CCSER2: variants seen among roughly 807,000 people sequenced by gnomAD.
CCSER2 encodes the protein serine-rich coiled-coil domain-containing protein 2.
CCSER2 carries 46 observed loss-of-function variants against 92.3 expected under a neutral mutation model. The observed-to-expected ratio is 0.50, with a 90% CI of 0.39 to 0.64. CCSER2 has a LOEUF of 0.64. Among genes scored for constraint, CCSER2 ranks in the 30% least tolerant of loss-of-function variants. The pLI, the probability that CCSER2 is intolerant of heterozygous loss-of-function variation, is 0.00. For synonymous variants in CCSER2, 433 were observed against 431.4 expected (o/e 1.00, Z -0.04); for missense variants, 1,244 against 1,238.9 (o/e 1.00, Z -0.06).
chr10:84,471,201 G>T (rs569411166), intron 8 of CCSER2, among the ~76,000 whole-genome samples: 3 of 152,012 alleles, frequency 2.0e-5, no homozygotes, highest in Non-Finnish European at 4.4e-5. Flanking sequence ...ACTGGGGTCA[G>T]CTCACGGAGA....
chr10:84,450,433 A>G (rs750918125), intron 6 of CCSER2, among the ~76,000 whole-genome samples: 24 of 152,220 alleles, frequency 1.6e-4, no homozygotes, highest in Non-Finnish European at 3.2e-4. Context: ...GTGCATACAC[A>G]TGTAAATGCA....
chr10:84,412,373 CTCT>C (rs1048757105), intron 3 of CCSER2, among the ~76,000 whole-genome samples: 3 of 151,634 alleles, frequency 2.0e-5, no homozygotes, highest in Admixed American at 6.6e-5. Flanking sequence ...CTGCTACCAG[CTCT>C]TCTTTGTGTA....
intron 7 of CCSER2, among the ~76,000 whole-genome samples, chr10:84,465,577 C>T (rs1274513268): frequency 2.0e-5 from 3 of 151,898 alleles, no homozygotes; most frequent in East Asian, 1.9e-4. Flanking sequence ...CCACCCACCT[C>T]GGCCTCCCAA....
chr10:84,405,640 G>A (rs975073320), intron 3 of CCSER2, among the ~76,000 whole-genome samples: 3 of 152,174 alleles, frequency 2.0e-5, no homozygotes, highest in Non-Finnish European at 2.9e-5. Flanking sequence ...ATAAAAAAAT[G>A]TATAAGAGAC....
At chr10:84,474,487 C>A (rs1267636701) in intron 8 of CCSER2, among the ~76,000 whole-genome samples, 1 of 151,836 alleles carries the variant, frequency 6.6e-6, no homozygotes, top group Non-Finnish European at 1.5e-5. Flanking sequence ...ATGGTGAAAC[C>A]CTGTCTCTAC....
intron 9 of CCSER2, among the ~76,000 whole-genome samples, chr10:84,483,953 T>TTATATATATATATATATA (rs57427963): frequency 2.1e-4 from 10 of 48,036 alleles, no homozygotes; most frequent in South Asian, 8.3e-4. Flanking sequence ...CCCGGCTAAT[T>TTATATATATATATATATA]TATATATATA....
chr10:84,469,203 A>T (rs939665382), intron 7 of CCSER2, among the ~76,000 whole-genome samples: 2 of 152,170 alleles, frequency 1.3e-5, no homozygotes, highest in Non-Finnish European at 2.9e-5. Context: ...TTTCTTTTGA[A>T]TAGCTATATT....
rs1156748663 is a variant in CCSER2, at chr10:84,347,576, G to A, written c.-40+18768G>A. Among the ~76,000 whole-genome samples the A allele has an allele frequency of 1.6e-4, 24 of 151,910 alleles. No homozygotes were observed. The East Asian group carries it at 4.1e-3, about 26-fold the overall frequency. ...GCTGCCTCCCACCTCCCTCGCGGAC[G>A]GGGCGGCTGGCCTGGCGGGGGCTGA... On this transcript the variant is annotated intron_variant, in intron 1 of 9. Coordinates refer to ENST00000372088, the MANE Select transcript of CCSER2 (RefSeq NM_001284240.2).
At chr10:84,347,227 C>T (rs1017499421) in intron 1 of CCSER2, among the ~76,000 whole-genome samples, 2 of 152,268 alleles carry the variant, frequency 1.3e-5, no homozygotes, top group Non-Finnish European at 2.9e-5. Flanking sequence ...CTTTTCCCCA[C>T]CTTTCCCCCT....
chr10:84,498,621 C>T (rs933338336), intron 9 of CCSER2, among the ~76,000 whole-genome samples: 2 of 152,122 alleles, frequency 1.3e-5, no homozygotes, highest in African/African-American at 4.8e-5. Context: ...GATCTGTAAA[C>T]ACTGTTAAAC....
At chr10:84,450,523 T>C (rs1246080779) in intron 6 of CCSER2, among the ~76,000 whole-genome samples, 1 of 152,088 alleles carries the variant, frequency 6.6e-6, no homozygotes, top group Non-Finnish European at 1.5e-5. Flanking sequence ...CCCCCCAAAA[T>C]AGAAAACTCT....
At chr10:84,470,032 T>G (rs1015741804) in intron 7 of CCSER2, among the ~76,000 whole-genome samples, 1 of 150,844 alleles carries the variant, frequency 6.6e-6, no homozygotes, top group Admixed American at 6.6e-5. Flanking sequence ...TTTTTTTTTT[T>G]TTTTTACTCT....
At chr10:84,445,864 C>T (rs1844882126) in intron 6 of CCSER2, among the ~76,000 whole-genome samples, 1 of 152,080 alleles carries the variant, frequency 6.6e-6, no homozygotes, top group Non-Finnish European at 1.5e-5. Context: ...GATATTTGGA[C>T]AGGTTTCCTT....
Position 84,438,493 on chromosome 10 carries a change from T to G in CCSER2, c.1869-19T>G. 5 of 1,457,896 alleles carry G rather than the reference T, an allele frequency of 3.4e-6. No individual in the cohort carries two copies. Among genetic ancestry groups the G allele is most frequent in the Non-Finnish European group, 4.7e-6 (5 of 1,067,882 alleles). 90.3% of individuals were successfully genotyped at this position (1,457,896 alleles called of 1,614,324 possible). Reference sequence around the variant, plus strand: ...GTATTGTATATCTTTTCCCTCCACCTTCTTCCCTGCCCTTCCAGAGGCTCT... The same window carrying G: ...GTATTGTATATCTTTTCCCTCCACCGTCTTCCCTGCCCTTCCAGAGGCTCT... On this transcript the variant is annotated intron_variant, in intron 5 of 9. Coordinates refer to ENST00000372088, the MANE Select transcript of CCSER2 (RefSeq NM_001284240.2).
chr10:84,349,769 A>G (rs1446457590), intron 1 of CCSER2, among the ~76,000 whole-genome samples: 1 of 152,228 alleles, frequency 6.6e-6, no homozygotes, highest in Non-Finnish European at 1.5e-5. Flanking sequence ...CTGGACTCCT[A>G]CCGACTTTCC....
intron 6 of CCSER2, chr10:84,454,882 T>C (rs1365590652): frequency 6.5e-6 from 1 of 152,770 alleles, no homozygotes; most frequent in East Asian, 1.9e-4. Context: ...AACCCAAATC[T>C]CTTCTTGAAT....
intron 6 of CCSER2, among the ~76,000 whole-genome samples, chr10:84,441,373 C>A (rs1176006111): frequency 6.6e-6 from 1 of 152,072 alleles, no homozygotes; most frequent in African/African-American, 2.4e-5. Context: ...TATCATTCAA[C>A]TGTTTTTTCA....
At chr10:84,398,162 T>C (rs35618096) in intron 3 of CCSER2, among the ~76,000 whole-genome samples, 8,864 of 152,232 alleles carry the variant, frequency 0.058, 371 homozygotes, top group Admixed American at 0.1. Context: ...TTCCCTGTCT[T>C]TTCCACCTTC....
chr10:84,410,044 A>G (rs934334115), intron 3 of CCSER2, among the ~76,000 whole-genome samples: 1 of 152,066 alleles, frequency 6.6e-6, no homozygotes, highest in Non-Finnish European at 1.5e-5. Flanking sequence ...CGTTAGTTTG[A>G]TGAGGATGTC....
Sources: gnomAD v4.1 joint callset for allele counts (sites outside exome capture counted in the v4.1 genomes callset) on GRCh38, gnomAD v4.1.1 for gene constraint, MANE v1.5 for transcripts, NCBI Gene and HGNC (gene_info 2026-07-23, HGNC 2026-07-21) for gene names.